The following CCDC40 variants were observed in gnomAD, a reference collection of about 807,000 sequenced individuals.
CCDC40 encodes the protein coiled-coil domain-containing protein 40.
CCDC40 carries 104 observed loss-of-function variants against 124.5 expected under a neutral mutation model. The observed-to-expected ratio is 0.84, with a 90% CI of 0.71 to 0.98. CCDC40 has a LOEUF of 0.98. Ranked by LOEUF, CCDC40 falls within the 50% of genes least tolerant of loss-of-function variation. The pLI is 0.00. For missense variants in CCDC40, 1,463 were observed against 1,503.9 expected, an observed-to-expected ratio of 0.97 and a Z score of 0.45; for synonymous variants, 580 against 602.9, an observed-to-expected ratio of 0.96 and a Z score of 0.56.
intron 5 of CCDC40, among the ~76,000 whole-genome samples, chr17:80,049,434 C>T (rs1297203801): frequency 6.6e-6 from 1 of 150,940 alleles, no homozygotes; most frequent in Non-Finnish European, 1.5e-5. Flanking sequence ...AAAAATGTCT[C>T]CAGTCATTGC....
rs1236943862 is a variant in CCDC40 at position 80,059,128 on chromosome 17, A to G, written c.1440+148A>G. On this transcript the variant is annotated intron_variant, in intron 9 of 19. Transcript: ENST00000397545. ...CATCTGCAAACATCGGGCCCTCCCC[A>G]TGGTGGGGCCACAGTAGATACTGAC... 3.5e-5 allele frequency: 34 copies of G among 980,656 alleles called. 1 individual carries two copies. The highest frequency in any genetic ancestry group is 4.6e-4 in the Middle Eastern group (2 of 4,328). The allele number at this position is 980,656 out of a possible 1,614,324, so 60.7% of individuals were successfully genotyped here. A position where few individuals can be genotyped will look rare whatever the true frequency, so the allele number is the denominator to read the frequency against.
intron 17 of CCDC40, chr17:80,090,333 ACGTGCACGAACAAGGGACGCGCGCAGG>A: frequency 2.0e-5 from 12 of 615,006 alleles, no homozygotes; most frequent in Non-Finnish European, 2.9e-5. Context: ...GCGCGCAGGC[ACGTGCACGAACAAGGGACGCGCGCAGG>A]CACGTGCACG....
chr17:80,050,326 G>T, intron 7 of CCDC40, 43 bp downstream of exon 7: 1 of 1,469,912 alleles, frequency 6.8e-7, no homozygotes, highest in South Asian at 1.2e-5. Flanking sequence ...GGTCCTGGAG[G>T]GTTTCCCAGG....
Position 80,087,333 on chromosome 17 carries a change from C to A in CCDC40, c.2450-274C>A. The A allele has an allele frequency of 1.9e-6, 1 of 513,970 alleles. No individual in the cohort carries two copies. Among genetic ancestry groups the A allele is most frequent in the Non-Finnish European group, 3.5e-6 (1 of 283,068 alleles). The allele number at this position is 513,970 out of a possible 1,614,324, so 31.8% of individuals were successfully genotyped here. On this transcript the variant is annotated intron_variant, in intron 14 of 19. Transcript: ENST00000397545. The surrounding 1 kb of genome is among the most constrained non-coding windows in gnomAD (Gnocchi z 4.5). ...GGCCCTCCCACACGCCCTGCCCACA[C>A]CTGCTGGCTGTCCCCACAGGCAGGT... is the stretch of plus-strand genomic sequence containing the variant.
At chr17:80,037,890 A>G in intron 1 of CCDC40, 6 of 436,648 alleles carry the variant, frequency 1.4e-5, no homozygotes, top group South Asian at 1.1e-4. Flanking sequence ...CGATGTTTTA[A>G]TAATTATATT....
At chr17:80,085,049 C>A (rs904763684) in intron 13 of CCDC40, 61 bp downstream of exon 13, 2 of 1,593,086 alleles carry the variant, frequency 1.3e-6, no homozygotes, top group South Asian at 2.3e-5. Context: ...TGGGGCAGAG[C>A]CCCCTCAGAT....
rs1482548200 is a variant in CCDC40 at position 80,058,833 on chromosome 17, G to A, written c.1318-25G>A. On this transcript the variant is annotated intron_variant, in intron 8 of 19. Transcript: ENST00000397545. The surrounding 1 kb of genome is among the most constrained non-coding windows in gnomAD (Gnocchi z 4.2). ...CTCAGCCACGGGCACCTCCTGACGG[G>A]GCTGCTTCTCATCCTGTTTCCCAGG... is the stretch of plus-strand genomic sequence containing the variant. 4 of 1,613,814 alleles carry A rather than the reference G, an allele frequency of 2.5e-6. No individual in the cohort carries two copies. The highest frequency in any genetic ancestry group is 2.7e-5 in the African/African-American group (2 of 74,890).
At chr17:80,096,816 C>T (rs932078584) in intron 18 of CCDC40, among the ~76,000 whole-genome samples, 3 of 152,246 alleles carry the variant, frequency 2.0e-5, no homozygotes, top group African/African-American at 7.2e-5. Flanking sequence ...CTGCTTTCCC[C>T]GAAGGCGGAA....
In CCDC40 at chr17:80,090,385, A is replaced by G. The variant is rs62075575; in HGVS notation, c.2832+501A>G. ...GCACGTGCACGAACACAGGACACAC[A>G]CAGCACGTGCATGAACAACACAGGA... On this transcript the variant is annotated intron_variant, in intron 17 of 19. Coordinates refer to ENST00000397545, the MANE Select transcript of CCDC40 (RefSeq NM_017950.4). The G allele has an allele frequency of 3.7e-3, 3,934 of 1,074,776 alleles. 566 individuals carry two copies. The highest frequency in any genetic ancestry group is 4.4e-3 in the Non-Finnish European group (3,390 of 764,070). The allele number at this position is 1,074,776 out of a possible 1,614,324, so 66.6% of individuals were successfully genotyped here.
intron 6 of CCDC40, 25 bp downstream of exon 6, chr17:80,050,014 C>G (rs767132650): frequency 1.2e-6 from 2 of 1,612,650 alleles, no homozygotes; most frequent in Non-Finnish European, 1.7e-6. Flanking sequence ...AGTCTCCCAC[C>G]CTGGTCGGAT....
intron 10 of CCDC40, among the ~76,000 whole-genome samples, chr17:80,068,190 C>T (rs541461643): frequency 3.9e-5 from 6 of 152,160 alleles, no homozygotes; most frequent in African/African-American, 9.7e-5. Flanking sequence ...TGCACCACCA[C>T]GCCTGGCTAA....
chr17:80,081,334 G>A (rs2038441779), intron 10 of CCDC40: 3 of 296,370 alleles, frequency 1.0e-5, no homozygotes, highest in Non-Finnish European at 1.9e-5. Context: ...GCAGTGAACC[G>A]AGATCGCACC....
chr17:80,090,839 G>C, intron 17 of CCDC40: 1 of 1,165,134 alleles, frequency 8.6e-7, no homozygotes, highest in Non-Finnish European at 1.1e-6. Context: ...TTCCTCTGCT[G>C]AGTTATTTTT....
chr17:80,077,486 G>A (rs191384779), intron 10 of CCDC40, among the ~76,000 whole-genome samples: 4 of 152,304 alleles, frequency 2.6e-5, no homozygotes, highest in Non-Finnish European at 5.9e-5. Flanking sequence ...TTGCGCCATT[G>A]CACTCCAGCC....
intron 3 of CCDC40, among the ~76,000 whole-genome samples, chr17:80,044,648 A>G (rs1036895599): frequency 6.6e-6 from 1 of 151,208 alleles, no homozygotes; most frequent in Non-Finnish European, 1.5e-5. Context: ...ATGCCACTGC[A>G]CTCCAGCCTG....
In CCDC40 at chr17:80,099,579, TGAA is replaced by T. The variant is rs771125749; in HGVS notation, c.3235_3237del (p.Lys1079del). 6.2e-7 allele frequency: 1 copy of T among 1,613,258 alleles called. No homozygotes were observed. The highest frequency in any genetic ancestry group is 1.7e-5 in the Admixed American group (1 of 59,996). ...ACACGCCTTAAGCACCTGCAGGCTG[TGAA>T]GGAGGGGCGCTACGTGTTCCTGTTC... On this transcript the variant is annotated inframe_deletion, in exon 20 of 20. Coordinates refer to ENST00000397545, the MANE Select transcript of CCDC40 (RefSeq NM_017950.4).
At chr17:80,040,423 A>G (rs1366871234) in intron 3 of CCDC40, 153 bp downstream of exon 3, 1 of 791,946 alleles carries the variant, frequency 1.3e-6, no homozygotes, top group African/African-American at 1.7e-5. Context: ...TCACGCCTGT[A>G]ATCCCAGCAC....
chr17:80,092,383 C>T (rs1392342488), intron 17 of CCDC40, among the ~76,000 whole-genome samples: 1 of 152,098 alleles, frequency 6.6e-6, no homozygotes, highest in Non-Finnish European at 1.5e-5. Flanking sequence ...GCCACTGCCA[C>T]ATCATGATAT....
chr17:80,094,159 C>G (rs1474064305), intron 17 of CCDC40, among the ~76,000 whole-genome samples: 4 of 151,726 alleles, frequency 2.6e-5, no homozygotes, highest in Non-Finnish European at 2.9e-5. Context: ...CGCCTGTAAT[C>G]CTAGCACTTT....
Sources: gnomAD v4.1 joint callset for allele counts (sites outside exome capture counted in the v4.1 genomes callset) on GRCh38, gnomAD v4.1.1 for gene constraint, Gnocchi (gnomAD v3.1) non-coding constraint, MANE v1.5 for transcripts, NCBI Gene and HGNC (gene_info 2026-07-23, HGNC 2026-07-21) for gene names.